NAV3: variants seen among roughly 807,000 people sequenced by gnomAD.
The protein encoded by NAV3 is pore membrane and/or filament interacting like protein 1.
Under a neutral mutation model 244.7 loss-of-function variants are expected in NAV3, and 87 were observed. The ratio of observed to expected loss-of-function variants is 0.36; its 90% CI spans 0.30 to 0.42. The LOEUF is 0.42. NAV3 is among the 20% of genes least tolerant of loss of function. The pLI is 1.00. For missense variants in NAV3, 2,663 were observed against 2,893.3 expected (o/e 0.92, Z 1.83); for synonymous variants, 1,126 against 1,042.2 (o/e 1.08, Z -1.55).
intron 2 of NAV3, among the ~76,000 whole-genome samples, chr12:77,661,979 A>G (rs1440056544): frequency 6.6e-6 from 1 of 151,984 alleles, no homozygotes; most frequent in Non-Finnish European, 1.5e-5. Context: ...ATTAAATTTT[A>G]AAATCCTCCA....
At position 78,006,968 on chromosome 12, in the gene NAV3, A is replaced by G. The variant is rs2136579480; in HGVS notation, c.1430A>G (p.Lys477Arg). Reference protein sequence around the residue: ...EKEEKNRDKNKVCTEKPVKEE... With the variant: ...EKEEKNRDKNRVCTEKPVKEE... ...GAAGAAAAGAACAGGGACAAAAATA[A>G]AGTTTGCACTGAAAAACCAGTCAAA... Residue 477 changes from lysine to arginine, a missense_variant, in exon 8 of 40, where the codon AAA (lysine) becomes AGA (arginine). Physicochemically the swap from Lys to Arg is conservative, Grantham distance 26. Coordinates refer to ENST00000397909, the MANE Select transcript of NAV3 (RefSeq NM_001024383.2). 2.5e-6 allele frequency: 4 copies of G among 1,614,022 alleles called. No homozygotes were observed. The highest frequency in any genetic ancestry group is 3.4e-6 in the Non-Finnish European group (4 of 1,180,004).
chr12:78,197,515 A>T, intron 35 of NAV3, 114 bp downstream of exon 35: 3 of 703,876 alleles, frequency 4.3e-6, no homozygotes, highest in Non-Finnish European at 6.5e-6. Flanking sequence ...TTTATTTTTT[A>T]AATTGACAGA....
chr12:78,044,462 A>T (rs141297929), intron 9 of NAV3, among the ~76,000 whole-genome samples: 1,757 of 152,190 alleles, frequency 0.012, 16 homozygotes, highest in Middle Eastern at 0.078. Context: ...TTCTAACTCT[A>T]TGAATAAAGT....
chr12:77,668,103 C>G (rs1873801558), intron 2 of NAV3, among the ~76,000 whole-genome samples: 1 of 152,192 alleles, frequency 6.6e-6, no homozygotes, highest in African/African-American at 2.4e-5. Context: ...ACCACCACAT[C>G]AAGGGAGCAT....
chr12:78,067,840 A>G (rs1192125421), intron 12 of NAV3, among the ~76,000 whole-genome samples: 1 of 152,098 alleles, frequency 6.6e-6, no homozygotes, highest in Non-Finnish European at 1.5e-5. Context: ...GATTCTCCCA[A>G]TACAAGAGAT....
chr12:77,948,604 A>T (rs1890581968), intron 3 of NAV3, among the ~76,000 whole-genome samples: 1 of 151,702 alleles, frequency 6.6e-6, no homozygotes, highest in Non-Finnish European at 1.5e-5. Context: ...TTTCGTAAGA[A>T]TCCTTTTATA....
intron 1 of NAV3, among the ~76,000 whole-genome samples, chr12:77,846,696 G>A (rs555290931): frequency 1.3e-5 from 2 of 152,156 alleles, no homozygotes; most frequent in South Asian, 2.1e-4. Flanking sequence ...TTAAGGATTC[G>A]TTGTTAGATG....
At chr12:77,959,051 A>G (rs1192109101) in intron 3 of NAV3, among the ~76,000 whole-genome samples, 1 of 152,198 alleles carries the variant, frequency 6.6e-6, no homozygotes, top group Non-Finnish European at 1.5e-5. Context: ...TAAGAAAAAT[A>G]TAATGTATTA....
intron 2 of NAV3, among the ~76,000 whole-genome samples, chr12:77,581,882 G>T (rs1869381876): frequency 6.6e-6 from 1 of 152,112 alleles, no homozygotes; most frequent in South Asian, 2.1e-4. Context: ...CATGTTAACT[G>T]CATTACTAAT....
chr12:77,695,635 T>G (rs1420040871), intron 2 of NAV3, among the ~76,000 whole-genome samples: 3 of 152,156 alleles, frequency 2.0e-5, no homozygotes, highest in East Asian at 3.9e-4. Flanking sequence ...GATGAATAAT[T>G]ACTGAGTATG....
chr12:78,135,123 C>T (rs183254293), intron 18 of NAV3, among the ~76,000 whole-genome samples: 2 of 152,252 alleles, frequency 1.3e-5, no homozygotes, highest in African/African-American at 4.8e-5. Context: ...ATTTGTGTTC[C>T]ATTCAAAAAA....
intron 2 of NAV3, among the ~76,000 whole-genome samples, chr12:77,771,738 G>A (rs186976693): frequency 6.6e-6 from 1 of 151,362 alleles, no homozygotes; most frequent in African/African-American, 2.4e-5. Context: ...ACAGGAAGGG[G>A]AACATCACAA....
At chr12:77,709,561 T>A (rs1376353720) in intron 2 of NAV3, among the ~76,000 whole-genome samples, 1 of 152,202 alleles carries the variant, frequency 6.6e-6, no homozygotes, top group African/African-American at 2.4e-5. Flanking sequence ...AGGAATCATA[T>A]CAAACAGTGT....
chr12:77,775,532 G>A (rs1279751297), intron 2 of NAV3, among the ~76,000 whole-genome samples: 1 of 152,020 alleles, frequency 6.6e-6, no homozygotes, highest in Non-Finnish European at 1.5e-5. Context: ...TTTATTTCTG[G>A]TGTTATCTTA....
chr12:77,602,260 A>G (rs1053874896), intron 2 of NAV3, among the ~76,000 whole-genome samples: 9 of 152,002 alleles, frequency 5.9e-5, no homozygotes, highest in African/African-American at 1.7e-4. Context: ...AAATTGAATT[A>G]TTAAAGAGAG....
At chr12:77,740,933 G>A (rs1316642794) in intron 2 of NAV3, among the ~76,000 whole-genome samples, 1 of 151,966 alleles carries the variant, frequency 6.6e-6, no homozygotes, top group Non-Finnish European at 1.5e-5. Flanking sequence ...GTGCAAAGAA[G>A]TGAGTTCCCA....
chr12:77,610,636 T>C (rs1173179904), intron 2 of NAV3, among the ~76,000 whole-genome samples: 2 of 152,058 alleles, frequency 1.3e-5, no homozygotes, highest in African/African-American at 4.8e-5. Context: ...TCTAGAGACC[T>C]GGAATCAGCT....
chr12:77,754,937 A>G (rs1017708778), intron 2 of NAV3, among the ~76,000 whole-genome samples: 1 of 152,218 alleles, frequency 6.6e-6, no homozygotes, highest in Admixed American at 6.5e-5. Flanking sequence ...TAAACTTATA[A>G]TTGCTGGCAA....
At chr12:78,165,239 T>C (rs1178155133) in intron 23 of NAV3, among the ~76,000 whole-genome samples, 1 of 152,022 alleles carries the variant, frequency 6.6e-6, no homozygotes, top group East Asian at 1.9e-4. Context: ...AAAATATCTA[T>C]CATTTTTGAA....
Sources: allele counts gnomAD v4.1 joint callset (sites outside exome capture counted in the v4.1 genomes callset), GRCh38; gene constraint gnomAD v4.1.1; transcripts MANE v1.5; gene names NCBI Gene and HGNC (gene_info 2026-07-23, HGNC 2026-07-21).